Variants in MICAL3 observed in about 807,000 individuals in gnomAD.
MICAL3 encodes the protein [F-actin]-monooxygenase MICAL3.
In MICAL3, 62 loss-of-function variants were observed where a neutral mutation model predicts 207.4. That is an observed-to-expected ratio of 0.30 (90% CI 0.24 to 0.37). MICAL3 has a LOEUF of 0.37. MICAL3 is among the 10% of genes least tolerant of loss of function. The pLI, the probability that MICAL3 is intolerant of heterozygous loss-of-function variation, is 1.00. For synonymous variants in MICAL3, 1,077 were observed against 1,069.3 expected (o/e 1.01, Z -0.14); for missense variants, 2,368 against 2,635.6 (o/e 0.90, Z 2.22).
At chr22:17,955,548 A>C (rs2099942) in intron 1 of MICAL3, among the ~76,000 whole-genome samples, 36,466 of 152,204 alleles carry the variant, frequency 0.24, 4,680 homozygotes, top group African/African-American at 0.31. Flanking sequence ...ATCCAGAGAG[A>C]GCCCTGGCTG....
chr22:17,859,838 C>A (rs533493591), intron 19 of MICAL3, among the ~76,000 whole-genome samples: 1 of 152,166 alleles, frequency 6.6e-6, no homozygotes, highest in Non-Finnish European at 1.5e-5. Flanking sequence ...GCCCAGCCTG[C>A]GGGCCCTCCT....
chr22:17,894,607 A>G (rs1469138426), intron 10 of MICAL3, among the ~76,000 whole-genome samples: 5 of 151,536 alleles, frequency 3.3e-5, no homozygotes, highest in Non-Finnish European at 5.9e-5. Flanking sequence ...GACCAGCCTG[A>G]CCAACACAGT....
chr22:17,865,882 C>T (rs1485849419), intron 18 of MICAL3, 42 bp downstream of exon 18: 3 of 1,520,350 alleles, frequency 2.0e-6, no homozygotes, highest in African/African-American at 1.4e-5. Context: ...ACTGCTGCAA[C>T]ACCCACTGCT....
intron 20 of MICAL3, among the ~76,000 whole-genome samples, chr22:17,832,637 A>T (rs1252535106): frequency 6.6e-6 from 1 of 152,142 alleles, no homozygotes; most frequent in Non-Finnish European, 1.5e-5. Context: ...CTGGGAATTG[A>T]GAATGGAAAG....
chr22:17,825,505 T>G (rs1922081784), intron 22 of MICAL3, among the ~76,000 whole-genome samples: 1 of 152,074 alleles, frequency 6.6e-6, no homozygotes, highest in Non-Finnish European at 1.5e-5. Context: ...CCAAGCTATC[T>G]AGAAGAGGAG....
At chr22:17,991,201 G>A (rs1041692912) in intron 1 of MICAL3, among the ~76,000 whole-genome samples, 19 of 152,246 alleles carry the variant, frequency 1.2e-4, no homozygotes, top group African/African-American at 4.6e-4. Flanking sequence ...ACAGGCCTGG[G>A]AGGCTGCAGG....
At chr22:17,892,694 C>T (rs1372026923) in intron 11 of MICAL3, among the ~76,000 whole-genome samples, 1 of 152,048 alleles carries the variant, frequency 6.6e-6, no homozygotes, top group African/African-American at 2.4e-5. Flanking sequence ...TAAAGATACA[C>T]TCTCTGCTTT....
chr22:17,852,664 T>C (rs905779051), intron 19 of MICAL3, among the ~76,000 whole-genome samples: 2 of 152,126 alleles, frequency 1.3e-5, no homozygotes, highest in African/African-American at 4.8e-5. Flanking sequence ...GGCTCCTGGG[T>C]CTAACCAGCA....
At position 17,896,258 on chromosome 22, in the gene MICAL3, A is replaced by G; in HGVS notation, c.1310T>C (p.Val437Ala). Residue 437 changes from valine to alanine, a missense_variant, in exon 9 of 32, where the codon GTG (valine) becomes GCG (alanine). Physicochemically the swap from Val to Ala is moderately conservative, Grantham distance 64. Around this residue, in one of 4 missense-constraint regions of MICAL3, gnomAD observed 147 missense variants for 137.7 expected, o/e 1.07. Transcript: ENST00000441493. The part of the protein sequence containing the change: ...SWSLGTSPLE[V>A]LAERESIYRL... ...TACTTCCCATTACCTCTCTGCCAGC[A>G]CTTCCAAAGGGCTCGTTCCTAGAGA... 1.3e-6 allele frequency: 2 copies of G among 1,553,964 alleles called. No homozygotes were observed. Among genetic ancestry groups the G allele is most frequent in the Non-Finnish European group, 1.7e-6 (2 of 1,147,570 alleles).
intron 21 of MICAL3, among the ~76,000 whole-genome samples, chr22:17,829,785 C>T (rs1922598666): frequency 6.6e-6 from 1 of 152,168 alleles, no homozygotes; most frequent in African/African-American, 2.4e-5. Context: ...GATGAGCTTG[C>T]AGTAAAACAT....
At chr22:17,850,384 T>TTTTGC (rs1925177156) in intron 19 of MICAL3, among the ~76,000 whole-genome samples, 1 of 150,718 alleles carries the variant, frequency 6.6e-6, no homozygotes, top group Admixed American at 6.6e-5. Context: ...CCTGTGGAAC[T>TTTTGC]TTTGCTTTTG....
intron 1 of MICAL3, among the ~76,000 whole-genome samples, chr22:17,990,454 G>C (rs1194168960): frequency 1.3e-5 from 2 of 152,152 alleles, no homozygotes; most frequent in Non-Finnish European, 2.9e-5. Context: ...GTGCTCACTG[G>C]GTGCTTACCA....
intron 16 of MICAL3, chr22:17,881,424 C>G: frequency 2.6e-6 from 2 of 763,308 alleles, no homozygotes; most frequent in Non-Finnish European, 2.2e-6. Flanking sequence ...TTTCCTTGCC[C>G]CTCCATCCTC....
At chr22:17,804,795 G>A (rs2061973932) in intron 29 of MICAL3, among the ~76,000 whole-genome samples, 1 of 152,158 alleles carries the variant, frequency 6.6e-6, no homozygotes, top group African/African-American at 2.4e-5. Context: ...CCACCTGAGG[G>A]CCTCCCCTTG....
intron 13 of MICAL3, 32 bp downstream of exon 13, chr22:17,889,002 G>C (rs1486421356): frequency 2.0e-6 from 3 of 1,510,462 alleles, no homozygotes. Flanking sequence ...ACAGCAGCAG[G>C]GGGCCGCAAA....
At chr22:18,015,848 G>C (rs1228954158) in intron 1 of MICAL3, among the ~76,000 whole-genome samples, 3 of 152,072 alleles carry the variant, frequency 2.0e-5, no homozygotes, top group African/African-American at 7.2e-5. Flanking sequence ...TTTAGGCTTT[G>C]GTTGTGAATG....
intron 27 of MICAL3, chr22:17,812,437 G>C: frequency 1.2e-6 from 1 of 840,960 alleles, no homozygotes; most frequent in Non-Finnish European, 1.4e-6. Flanking sequence ...TGGAGGGCCG[G>C]GGCCGGCGCC....
Position 17,810,719 on chromosome 22 carries a change from CGCTTAA to C in MICAL3, c.5534_5539del (p.Leu1845_Lys1846del). 6.2e-7 allele frequency: 1 copy of C among 1,613,932 alleles called. No homozygotes were observed. Among genetic ancestry groups the C allele is most frequent in the Non-Finnish European group, 8.5e-7 (1 of 1,179,836 alleles). ...TGGTTTTACCTGGGCTCGATGCAGC[CGCTTAA>C]GCTCCTCCTGCTTGGCCTGTCTCCG... On this transcript the variant is annotated inframe_deletion, in exon 28 of 32. Coordinates refer to ENST00000441493, the MANE Select transcript of MICAL3 (RefSeq NM_015241.3).
At chr22:17,887,093 A>T in intron 15 of MICAL3, 77 bp downstream of exon 15, 1 of 1,024,190 alleles carries the variant, frequency 9.8e-7, no homozygotes, top group Non-Finnish European at 1.5e-6. Context: ...TAGCAATACC[A>T]ATGTGGAAAT....
Sources: gnomAD v4.1 joint callset for allele counts (sites outside exome capture counted in the v4.1 genomes callset) on GRCh38, gnomAD v4.1.1 for gene constraint, gnomAD v4.1.1 regional missense constraint, MANE v1.5 for transcripts, NCBI Gene and HGNC (gene_info 2026-07-23, HGNC 2026-07-21) for gene names.